The following PAX3 variants were observed in gnomAD, a reference collection of about 807,000 sequenced individuals.
PAX3 encodes the protein paired box 3, also known as paired box protein Pax-3.
In PAX3, 14 loss-of-function variants were observed where a neutral mutation model predicts 51.6. The observed-to-expected ratio is 0.27, with a 90% CI of 0.18 to 0.42. The LOEUF (loss-of-function observed/expected upper bound fraction) is 0.42, where lower values mean the gene tolerates loss of function less well. Ranked by LOEUF, PAX3 falls within the 10% of genes least tolerant of loss-of-function variation. The pLI, the probability that PAX3 is intolerant of heterozygous loss-of-function variation, is 1.00. For synonymous variants in PAX3, 280 were observed against 253.4 expected, an observed-to-expected ratio of 1.11 and a Z score of -1.00; for missense variants, 540 against 642.8, an observed-to-expected ratio of 0.84 and a Z score of 1.73.
intron 4 of PAX3, among the ~76,000 whole-genome samples, chr2:222,260,475 T>C (rs1693802512): frequency 6.6e-6 from 1 of 151,594 alleles, no homozygotes; most frequent in Admixed American, 6.6e-5. Flanking sequence ...TCAAACTCCC[T>C]TTCATTTACA....
intron 3 of PAX3, among the ~76,000 whole-genome samples, chr2:222,295,262 A>C: frequency 6.6e-6 from 1 of 152,084 alleles, no homozygotes; most frequent in East Asian, 1.9e-4. Flanking sequence ...CCTCCGCCTC[A>C]CGTTTCCTGC....
At chr2:222,257,052 G>A (rs966550856) in intron 4 of PAX3, among the ~76,000 whole-genome samples, 2 of 152,162 alleles carry the variant, frequency 1.3e-5, no homozygotes, top group Admixed American at 6.5e-5. Context: ...ACCACACCAT[G>A]GGCTCTTTTA....
chr2:222,233,663 C>G (rs556311699), intron 4 of PAX3, among the ~76,000 whole-genome samples: 1 of 152,094 alleles, frequency 6.6e-6, no homozygotes, highest in Non-Finnish European at 1.5e-5. Context: ...ACCCCAGATA[C>G]TGGGGTAGTG....
intron 4 of PAX3, among the ~76,000 whole-genome samples, chr2:222,255,392 C>T (rs1308012227): frequency 6.6e-6 from 1 of 152,194 alleles, no homozygotes; most frequent in Non-Finnish European, 1.5e-5. Flanking sequence ...AATCATCTAC[C>T]AGCACCTGCA....
rs1559296489 is a variant in PAX3, at chr2:222,265,869, G to A, written c.586+28298C>T. ...AGAATTCTTGTTCATACCTGTGGGTGAATCAAACTCTTAATCAACCAGTCA... is the reference window on the plus strand; with the variant it reads ...AGAATTCTTGTTCATACCTGTGGGTAAATCAAACTCTTAATCAACCAGTCA... On this transcript the variant is annotated intron_variant, in intron 4 of 8. Transcript: ENST00000392070. 3.9e-5 allele frequency among the ~76,000 whole-genome samples: 6 copies of A among 152,208 alleles called. No individual in the cohort carries two copies. The South Asian group carries it at 1.2e-3, about 32-fold the overall frequency.
chr2:222,272,125 T>C (rs1323012520), intron 4 of PAX3, among the ~76,000 whole-genome samples: 1 of 152,154 alleles, frequency 6.6e-6, no homozygotes, highest in Non-Finnish European at 1.5e-5. Flanking sequence ...AAACACTGCA[T>C]AGTAGCCGCC....
chr2:222,267,907 T>C (rs1694109349), intron 4 of PAX3, among the ~76,000 whole-genome samples: 1 of 152,194 alleles, frequency 6.6e-6, no homozygotes, highest in Admixed American at 6.5e-5. Flanking sequence ...TGGAATTTTT[T>C]AAGAAAAGGA....
intron 7 of PAX3, among the ~76,000 whole-genome samples, chr2:222,211,657 T>C (rs1182891216): frequency 1.3e-5 from 2 of 152,096 alleles, no homozygotes; most frequent in Non-Finnish European, 2.9e-5. Context: ...AAGAGTTAGG[T>C]CTCCACGTGG....
At chr2:222,278,201 G>A (rs2106169681) in intron 4 of PAX3, among the ~76,000 whole-genome samples, 1 of 152,224 alleles carries the variant, frequency 6.6e-6, no homozygotes, top group East Asian at 1.9e-4. Flanking sequence ...AAAGTGATTT[G>A]TTTCTAAGGA....
chr2:222,220,080 G>T, intron 7 of PAX3, 60 bp downstream of exon 7: 2 of 1,403,584 alleles, frequency 1.4e-6, no homozygotes, highest in East Asian at 2.3e-5. Flanking sequence ...ACTGCCTCAG[G>T]GAATTGAATA....
rs1252527829 is a variant in PAX3, at chr2:222,267,829, T to G, written c.586+26338A>C. Among the ~76,000 whole-genome samples, 8 of 152,170 alleles carry G rather than the reference T, an allele frequency of 5.3e-5. No homozygotes were observed. The East Asian group carries it at 1.5e-3, about 29-fold the overall frequency. On this transcript the variant is annotated intron_variant, in intron 4 of 8. Coordinates refer to ENST00000392070, the MANE Select transcript of PAX3 (RefSeq NM_181458.4). ...CTGAGTAGCTGAAGTTGCTAATATG[T>G]TTTTTAAAAATCATATAATTTGTGA...
At chr2:222,220,379 A>G (rs751858437) in intron 6 of PAX3, 25 bp from the exon 7 acceptor site, 3 of 1,610,738 alleles carry the variant, frequency 1.9e-6, no homozygotes, top group African/African-American at 2.7e-5. Flanking sequence ...ATTGTCAACC[A>G]TCATGTTTTC....
At chr2:222,293,564 T>C (rs1022955908) in intron 4 of PAX3, 1 of 1,528,222 alleles carries the variant, frequency 6.5e-7, no homozygotes. Flanking sequence ...CTTGGGTTCC[T>C]TTCAATTCCC....
intron 4 of PAX3, chr2:222,263,940 C>T (rs1369520113): frequency 6.6e-6 from 1 of 152,144 alleles, no homozygotes; most frequent in Admixed American, 6.5e-5. Context: ...AATAAAACTA[C>T]ATTGATAGAG....
At chr2:222,255,444 A>G (rs28438373) in intron 4 of PAX3, among the ~76,000 whole-genome samples, 38,864 of 152,124 alleles carry the variant, frequency 0.26, 5,482 homozygotes, top group Middle Eastern at 0.34. Flanking sequence ...AAGACTTGGG[A>G]GCCCCACCTC....
At chr2:222,224,629 C>T (rs189922074) in intron 5 of PAX3, among the ~76,000 whole-genome samples, 1 of 152,154 alleles carries the variant, frequency 6.6e-6, no homozygotes, top group Non-Finnish European at 1.5e-5. Flanking sequence ...CTGAACGAAC[C>T]AAGCGTAGTG....
At chr2:222,239,750 G>C (rs1438121964) in intron 4 of PAX3, among the ~76,000 whole-genome samples, 2 of 151,706 alleles carry the variant, frequency 1.3e-5, no homozygotes, top group African/African-American at 4.9e-5. Context: ...TAGGTAAAGG[G>C]GTCTCATTTT....
intron 4 of PAX3, among the ~76,000 whole-genome samples, chr2:222,293,000 G>A (rs931279922): frequency 6.6e-6 from 1 of 152,194 alleles, no homozygotes; most frequent in African/African-American, 2.4e-5. Context: ...GAGAGCCACT[G>A]GCTGCCACAG....
chr2:222,253,405 T>A (rs1321004946), intron 4 of PAX3, among the ~76,000 whole-genome samples: 1 of 152,168 alleles, frequency 6.6e-6, no homozygotes, highest in Non-Finnish European at 1.5e-5. Flanking sequence ...CCTAAAGACA[T>A]TTTAGGCATT....
Sources: allele counts gnomAD v4.1 joint callset (sites outside exome capture counted in the v4.1 genomes callset), GRCh38; gene constraint gnomAD v4.1.1; transcripts MANE v1.5; gene names NCBI Gene and HGNC (gene_info 2026-07-23, HGNC 2026-07-21).